The following NRSN1 variants were observed in gnomAD, a reference collection of about 807,000 sequenced individuals.
NRSN1 encodes neurensin 1.
Under a neutral mutation model 17.3 loss-of-function variants are expected in NRSN1, and 14 were observed. That is an observed-to-expected ratio of 0.81 (90% confidence interval 0.54 to 1.27). The LOEUF (loss-of-function observed/expected upper bound fraction) is 1.27, where lower values mean the gene tolerates loss of function less well. Ranked by LOEUF, NRSN1 falls within the 50% of genes most tolerant of loss-of-function variation. The pLI is 0.00. For synonymous variants in NRSN1, 79 were observed against 94.2 expected (o/e 0.84, Z 0.93); for missense variants, 209 against 235.9 (o/e 0.89, Z 0.75).
At chr6:24,133,862 A>C (rs1481954401) in intron 2 of NRSN1, among the ~76,000 whole-genome samples, 2 of 152,126 alleles carry the variant, frequency 1.3e-5, no homozygotes, top group Non-Finnish European at 1.5e-5. Flanking sequence ...ATTGAGACGG[A>C]GTCTCACTCT....
At chr6:24,136,678 T>C (rs747384871) in intron 3 of NRSN1, among the ~76,000 whole-genome samples, 120 of 152,172 alleles carry the variant, frequency 7.9e-4, no homozygotes, top group Admixed American at 1.8e-3. Context: ...TGTAAACCCA[T>C]CAAATAAAAC....
At chr6:24,130,149 T>G (rs886095379) in intron 2 of NRSN1, among the ~76,000 whole-genome samples, 3 of 152,212 alleles carry the variant, frequency 2.0e-5, no homozygotes, top group Non-Finnish European at 2.9e-5. Context: ...AATCATAGAT[T>G]TAACCTTTTT....
intron 3 of NRSN1, among the ~76,000 whole-genome samples, chr6:24,135,657 A>G (rs1347619796): frequency 6.6e-6 from 1 of 152,192 alleles, no homozygotes; most frequent in Non-Finnish European, 1.5e-5. Context: ...AGATTTAGGT[A>G]AAGGTTATGC....
In NRSN1 at chr6:24,145,553, A is replaced by T. The variant is rs1229977364; in HGVS notation, c.195A>T (p.Gly65=). 1.3e-6 allele frequency: 2 copies of T among 1,556,930 alleles called. No homozygotes were observed. The highest frequency in any genetic ancestry group is 2.3e-5 in the East Asian group (1 of 44,280). ...NRWSSVFWKV[G]LISGTVFVIL... is the part of the protein sequence containing the mutation. Reference sequence around the variant, plus strand: ...CTGTCATTATCTACCTGTAGGTTGGACTCATCTCAGGTACAGTTTTTGTGA... The same window carrying T: ...CTGTCATTATCTACCTGTAGGTTGGTCTCATCTCAGGTACAGTTTTTGTGA... The change falls in exon 4 of 4, where the codon GGA becomes GGT. Residue 65 remains glycine, a synonymous_variant. Transcript: ENST00000378491. The surrounding 1 kb of genome is among the most constrained non-coding windows in gnomAD (Gnocchi z 4.4).
rs557521168 is a variant in NRSN1 at position 24,146,338 on chromosome 6, G to A, written c.*392G>A. 26 of 480,578 alleles carry A rather than the reference G, an allele frequency of 5.4e-5. 1 individual carries two copies. The East Asian group carries it at 6.5e-4, about 12-fold the overall frequency. 29.8% of individuals were successfully genotyped at this position (480,578 alleles called of 1,614,324 possible). On this transcript the variant is annotated 3_prime_UTR_variant, in exon 4 of 4. Transcript: ENST00000378491. Reference sequence around the variant, plus strand: ...TATTGGTTTATCTAATGTTTTCTGCGTGGTGCTGTCTTCCATTCCTGTCTC... The same window carrying A: ...TATTGGTTTATCTAATGTTTTCTGCATGGTGCTGTCTTCCATTCCTGTCTC...
intron 3 of NRSN1, among the ~76,000 whole-genome samples, chr6:24,144,756 T>G (rs1245509054): frequency 2.0e-5 from 3 of 152,010 alleles, no homozygotes; most frequent in Non-Finnish European, 4.4e-5. Context: ...TCTCACTTCA[T>G]CATGGTCACA....
rs537055449 is a variant in NRSN1 at position 24,147,224 on chromosome 6, A to T, written c.*1278A>T. ...CCTTAAAAAGGGTTTTCATTCTCAA[A>T]CAAGATGCTTTGTTCTCCAACAAGA... On this transcript the variant is annotated 3_prime_UTR_variant, in exon 4 of 4. Transcript: ENST00000378491. 14 of 152,302 alleles carry T rather than the reference A, an allele frequency of 9.2e-5. No individual in the cohort carries two copies. The highest frequency in any genetic ancestry group is 3.4e-4 in the African/African-American group (14 of 41,566). The allele number at this position is 152,302 out of a possible 1,614,324, so 9.4% of individuals were successfully genotyped here.
Position 24,145,831 on chromosome 6 carries a change from T to C in NRSN1, c.473T>C (p.Ile158Thr), listed in dbSNP as rs1384142877. ...KFLQQKFKER[I>T]ADIKAHTQPV... ...CTCCAGCAGAAGTTTAAAGAACGAA[T>C]CGCAGACATCAAAGCCCACACCCAG... The change falls in exon 4 of 4, where the codon ATC (isoleucine) becomes ACC (threonine). Residue 158 changes from isoleucine (I) to threonine (T), a missense_variant. Transcript: ENST00000378491. This position sits in a 1 kb window ranked among gnomAD's most constrained non-coding sequence, Gnocchi z 4.4. 1.9e-6 allele frequency: 3 copies of C among 1,614,158 alleles called. No homozygotes were observed. The highest frequency in any genetic ancestry group is 2.2e-5 in the South Asian group (2 of 91,078).
Position 24,145,513 on chromosome 6 carries a change from C to A in NRSN1, c.190-35C>A. The A allele has an allele frequency of 6.6e-7, 1 of 1,516,058 alleles. No individual in the cohort carries two copies. Among genetic ancestry groups the A allele is most frequent in the South Asian group, 1.3e-5 (1 of 75,652 alleles). The allele number at this position is 1,516,058 out of a possible 1,614,324, so 93.9% of individuals were successfully genotyped here. A position where few individuals can be genotyped will look rare whatever the true frequency, so the allele number is the denominator to read the frequency against. ...CAGGGGCGAGCCGAAGCACCTTCCT[C>A]ACTCTATCTTGCTTCTGTCATTATC... On this transcript the variant is annotated intron_variant, in intron 3 of 3. Coordinates refer to ENST00000378491, the MANE Select transcript of NRSN1 (RefSeq NM_080723.5). This position sits in a 1 kb window ranked among gnomAD's most constrained non-coding sequence, Gnocchi z 4.4.
chr6:24,130,689 T>G (rs1760015493), intron 2 of NRSN1, among the ~76,000 whole-genome samples: 1 of 152,144 alleles, frequency 6.6e-6, no homozygotes, highest in Non-Finnish European at 1.5e-5. Flanking sequence ...CTAACCTAAC[T>G]AGTTATATGC....
chr6:24,144,800 G>A (rs947061993), intron 3 of NRSN1, among the ~76,000 whole-genome samples: 1 of 151,822 alleles, frequency 6.6e-6, no homozygotes, highest in Non-Finnish European at 1.5e-5. Flanking sequence ...GTGAGATGGT[G>A]CCTGGCAGAA....
chr6:24,145,477 C>A lies in NRSN1; in HGVS notation c.190-71C>A. 8.4e-7 allele frequency: 1 copy of A among 1,185,116 alleles called. No individual in the cohort carries two copies. The highest frequency in any genetic ancestry group is 1.2e-6 in the Non-Finnish European group (1 of 863,848). The allele number at this position is 1,185,116 out of a possible 1,614,324, so 73.4% of individuals were successfully genotyped here. On this transcript the variant is annotated intron_variant, in intron 3 of 3. Coordinates refer to ENST00000378491, the MANE Select transcript of NRSN1 (RefSeq NM_080723.5). This position sits in a 1 kb window ranked among gnomAD's most constrained non-coding sequence, Gnocchi z 4.4. Reference sequence around the variant, plus strand: ...TCTCAAGAAACAAGACAAGTGCTGCCCTTGAGGGCTCAGGGGCGAGCCGAA... The same window carrying A: ...TCTCAAGAAACAAGACAAGTGCTGCACTTGAGGGCTCAGGGGCGAGCCGAA...
chr6:24,126,484 A>G (rs565857672), intron 1 of NRSN1, 144 bp downstream of exon 1: 5 of 151,358 alleles, frequency 3.3e-5, no homozygotes, highest in African/African-American at 9.7e-5. Context: ...TCCCTCCTTC[A>G]TTCACGTTTA....
rs765178524 is a variant in NRSN1, at chr6:24,145,514, A to G, written c.190-34A>G. On this transcript the variant is annotated intron_variant, in intron 3 of 3. Coordinates refer to ENST00000378491, the MANE Select transcript of NRSN1 (RefSeq NM_080723.5). This position sits in a 1 kb window ranked among gnomAD's most constrained non-coding sequence, Gnocchi z 4.4. Reference sequence around the variant, plus strand: ...AGGGGCGAGCCGAAGCACCTTCCTCACTCTATCTTGCTTCTGTCATTATCT... The same window carrying G: ...AGGGGCGAGCCGAAGCACCTTCCTCGCTCTATCTTGCTTCTGTCATTATCT... The G allele has an allele frequency of 2.0e-6, 3 of 1,516,960 alleles. No individual in the cohort carries two copies. Among genetic ancestry groups the G allele is most frequent in the Non-Finnish European group, 2.7e-6 (3 of 1,127,458 alleles). 94.0% of individuals were successfully genotyped at this position (1,516,960 alleles called of 1,614,324 possible).
chr6:24,129,313 C>A (rs1446981582), intron 2 of NRSN1: 1 of 152,180 alleles, frequency 6.6e-6, no homozygotes, highest in Non-Finnish European at 1.5e-5. Context: ...AGGTGCCTGG[C>A]ACGTAGTGCT....
chr6:24,136,508 T>C (rs1198414284), intron 3 of NRSN1, among the ~76,000 whole-genome samples: 1 of 151,610 alleles, frequency 6.6e-6, no homozygotes, highest in Non-Finnish European at 1.5e-5. Context: ...ATCTTGTATT[T>C]ACCCAGATAT....
At chr6:24,135,246 A>C (rs893474854) in intron 3 of NRSN1, among the ~76,000 whole-genome samples, 4 of 152,172 alleles carry the variant, frequency 2.6e-5, no homozygotes, top group Admixed American at 2.6e-4. Flanking sequence ...GGTGATGGAG[A>C]CTGGTATTTG....
chr6:24,132,324 A>G (rs574189854), intron 2 of NRSN1, among the ~76,000 whole-genome samples: 2 of 152,330 alleles, frequency 1.3e-5, no homozygotes, highest in South Asian at 2.1e-4. Flanking sequence ...CTGGCCACAT[A>G]TAGGCATTTG....
intron 2 of NRSN1, among the ~76,000 whole-genome samples, chr6:24,130,129 CATT>C (rs1760006298): frequency 6.6e-6 from 1 of 152,316 alleles, no homozygotes; most frequent in South Asian, 2.1e-4. Context: ...AAAATATGTT[CATT>C]AACAACAATC....
Sources: allele counts gnomAD v4.1 joint callset (sites outside exome capture counted in the v4.1 genomes callset), GRCh38; gene constraint gnomAD v4.1.1; non-coding constraint Gnocchi (gnomAD v3.1); transcripts MANE v1.5; gene names NCBI Gene and HGNC (gene_info 2026-07-23, HGNC 2026-07-21).